The following EFCAB6 variants were observed in gnomAD, a reference collection of about 807,000 sequenced individuals.
EFCAB6 encodes EF-hand calcium binding domain 6, also known as EF-hand calcium-binding domain-containing protein 6.
EFCAB6 carries 156 observed loss-of-function variants against 169.8 expected under a neutral mutation model. The observed-to-expected ratio is 0.92, with a 90% CI of 0.81 to 1.05. EFCAB6 has a LOEUF of 1.05. Ranked by LOEUF, EFCAB6 falls within the 50% of genes least tolerant of loss-of-function variation. The pLI is 0.00. For missense variants in EFCAB6, 1,800 were observed against 1,829.1 expected, an observed-to-expected ratio of 0.98 and a Z score of 0.29; for synonymous variants, 698 against 676.4, an observed-to-expected ratio of 1.03 and a Z score of -0.50.
At chr22:43,641,133 T>C (rs576713619) in intron 17 of EFCAB6, among the ~76,000 whole-genome samples, 30 of 152,258 alleles carry the variant, frequency 2.0e-4, no homozygotes, top group African/African-American at 7.2e-4. Flanking sequence ...GAGCACATAG[T>C]AGGTGTTCAC....
rs776920807 is a variant in EFCAB6, at chr22:43,755,761, A to G, written c.507+5T>C. On this transcript the variant is annotated splice_donor_5th_base_variant and intron_variant, in intron 6 of 31. Transcript: ENST00000262726. Reference sequence around the variant, plus strand: ...GGGAAATCATTTCTTTAAAATCTCTATTACCTTTTCTCCCACTTGGATTTC... The same window carrying G: ...GGGAAATCATTTCTTTAAAATCTCTGTTACCTTTTCTCCCACTTGGATTTC... 2 of 1,602,024 alleles carry G rather than the reference A, an allele frequency of 1.2e-6. No homozygotes were observed. Among genetic ancestry groups the G allele is most frequent in the South Asian group, 1.1e-5 (1 of 87,960 alleles).
chr22:43,579,097 T>C (rs757875013), intron 25 of EFCAB6, among the ~76,000 whole-genome samples: 7 of 148,740 alleles, frequency 4.7e-5, no homozygotes, highest in Non-Finnish European at 1.0e-4. Flanking sequence ...CAGGCATCAT[T>C]GTCTACATGC....
intron 12 of EFCAB6, among the ~76,000 whole-genome samples, chr22:43,682,959 C>T (rs1052258935): frequency 7.2e-5 from 11 of 152,286 alleles, no homozygotes; most frequent in African/African-American, 2.6e-4. Context: ...AACCACAAAC[C>T]TGGAAGCCAC....
chr22:43,756,838 G>A (rs1370932656), intron 5 of EFCAB6, among the ~76,000 whole-genome samples: 1 of 152,206 alleles, frequency 6.6e-6, no homozygotes, highest in African/African-American at 2.4e-5. Context: ...AAGGTGAAGG[G>A]CCATGAAGCC....
chr22:43,629,745 T>C (rs1266293735), intron 19 of EFCAB6, among the ~76,000 whole-genome samples: 1 of 151,876 alleles, frequency 6.6e-6, no homozygotes, highest in Non-Finnish European at 1.5e-5. Flanking sequence ...GGAGGCGCCA[T>C]CCAAGCAAAG....
intron 24 of EFCAB6, among the ~76,000 whole-genome samples, chr22:43,589,686 C>G (rs866676508): frequency 3.0e-4 from 46 of 152,088 alleles, no homozygotes; most frequent in Non-Finnish European, 5.7e-4. Context: ...TACTTGGGAG[C>G]CTGAGGCACG....
At chr22:43,615,270 A>G (rs1450698571) in intron 21 of EFCAB6, among the ~76,000 whole-genome samples, 1 of 152,218 alleles carries the variant, frequency 6.6e-6, no homozygotes, top group Non-Finnish European at 1.5e-5. Flanking sequence ...CAGTTCTATT[A>G]TCTTGTAGGT....
chr22:43,776,208 G>A (rs937037551), intron 3 of EFCAB6, among the ~76,000 whole-genome samples: 1 of 152,162 alleles, frequency 6.6e-6, no homozygotes, highest in African/African-American at 2.4e-5. Context: ...CACCTGCATG[G>A]AGGCCACAGG....
intron 12 of EFCAB6, among the ~76,000 whole-genome samples, chr22:43,679,982 G>C (rs1177384801): frequency 6.6e-6 from 1 of 152,010 alleles, no homozygotes; most frequent in Non-Finnish European, 1.5e-5. Context: ...ATTTAATTTT[G>C]ATAAAGTCCA....
intron 24 of EFCAB6, 88 bp from the exon 25 acceptor site, chr22:43,580,747 A>G: frequency 7.2e-7 from 1 of 1,382,136 alleles, no homozygotes; most frequent in Non-Finnish European, 1.0e-6. Flanking sequence ...CACATTGGGC[A>G]ATGTGGGGAA....
intron 2 of EFCAB6, among the ~76,000 whole-genome samples, chr22:43,801,653 T>A (rs1378067836): frequency 6.6e-6 from 1 of 152,164 alleles, no homozygotes; most frequent in Non-Finnish European, 1.5e-5. Context: ...TGACCTAAGA[T>A]GAGCTGTCAT....
At chr22:43,726,536 T>C (rs899547423) in intron 8 of EFCAB6, among the ~76,000 whole-genome samples, 3 of 152,262 alleles carry the variant, frequency 2.0e-5, no homozygotes, top group Non-Finnish European at 4.4e-5. Context: ...ATTTGGCTTT[T>C]TGCCTGAGGG....
intron 22 of EFCAB6, among the ~76,000 whole-genome samples, chr22:43,601,364 A>G (rs184159643): frequency 6.6e-6 from 1 of 152,376 alleles, no homozygotes; most frequent in East Asian, 1.9e-4. Context: ...TTTTACAGAA[A>G]GATCTTGGTC....
At chr22:43,721,838 G>T (rs2059539271) in intron 8 of EFCAB6, among the ~76,000 whole-genome samples, 1 of 152,116 alleles carries the variant, frequency 6.6e-6, no homozygotes. Context: ...CCTTGGCAAA[G>T]AATGTTTGGC....
intron 2 of EFCAB6, among the ~76,000 whole-genome samples, chr22:43,798,610 T>G (rs1168115630): frequency 6.6e-6 from 1 of 152,230 alleles, no homozygotes; most frequent in Non-Finnish European, 1.5e-5. Flanking sequence ...TGTCTCCCAC[T>G]AGACTTTCAG....
At chr22:43,777,897 G>A (rs1288307169) in intron 3 of EFCAB6, among the ~76,000 whole-genome samples, 1 of 152,208 alleles carries the variant, frequency 6.6e-6, no homozygotes. Context: ...GCTGGTGGGA[G>A]TACAAATTGA....
At chr22:43,670,155 C>G (rs1449564569) in intron 15 of EFCAB6, among the ~76,000 whole-genome samples, 1 of 152,184 alleles carries the variant, frequency 6.6e-6, no homozygotes. Context: ...TATCGTCCAA[C>G]AAACCACTAT....
intron 19 of EFCAB6, among the ~76,000 whole-genome samples, chr22:43,629,763 A>C (rs2054797155): frequency 6.6e-6 from 1 of 152,054 alleles, no homozygotes; most frequent in Non-Finnish European, 1.5e-5. Context: ...AAGGAACAGA[A>C]TGTGCAAACG....
intron 26 of EFCAB6, among the ~76,000 whole-genome samples, chr22:43,563,650 C>T (rs1383987644): frequency 6.6e-6 from 1 of 152,236 alleles, no homozygotes; most frequent in Non-Finnish European, 1.5e-5. Context: ...GCATGTGGCC[C>T]AGAGCCTGCC....
Sources: gnomAD v4.1 joint callset for allele counts (sites outside exome capture counted in the v4.1 genomes callset) on GRCh38, gnomAD v4.1.1 for gene constraint, MANE v1.5 for transcripts, NCBI Gene and HGNC (gene_info 2026-07-23, HGNC 2026-07-21) for gene names.